NMBR: variants seen among roughly 807,000 people sequenced by gnomAD.
The protein encoded by NMBR is neuromedin B receptor.
A neutral mutation model predicts 20.5 loss-of-function variants in NMBR; 16 were observed. The observed-to-expected ratio is 0.78, with a 90% confidence interval of 0.53 to 1.19. The LOEUF is 1.19. Among genes scored for constraint, NMBR ranks in the 50% most tolerant of loss-of-function variants. The probability of loss-of-function intolerance (pLI) is 0.00; values close to 1 mark genes in which losing one functional copy is unlikely to be tolerated. For missense variants in NMBR, 582 were observed against 499.1 expected, an observed-to-expected ratio of 1.17 and a Z score of -1.58; for synonymous variants, 212 against 196.6, an observed-to-expected ratio of 1.08 and a Z score of -0.65.
chr6:142,108,610 GAACAGCATGGAGGT>G (rs1777701472), intron 1 of NMBR, among the ~76,000 whole-genome samples: 1 of 152,048 alleles, frequency 6.6e-6, no homozygotes, highest in African/African-American at 2.4e-5. Flanking sequence ...ACAATTACAA[GAACAGCATGGAGGT>G]AACCGCTCCA....
At chr6:142,096,020 G>GT (rs1554212670) in intron 1 of NMBR, among the ~76,000 whole-genome samples, 2 of 151,992 alleles carry the variant, frequency 1.3e-5, no homozygotes, top group Non-Finnish European at 2.9e-5. Flanking sequence ...ATTTTTTATT[G>GT]CATCTATTTG....
Position 142,075,772 on chromosome 6 carries a change from C to G in NMBR, c.1049G>C (p.Gly350Ala). The G allele has an allele frequency of 6.2e-7, 1 of 1,613,992 alleles. No individual in the cohort carries two copies. The highest frequency in any genetic ancestry group is 8.5e-7 in the Non-Finnish European group (1 of 1,179,942). ...TGAAGAGCTGAGTAGGTAGCTGGTT[C>G]CTCTCTCTTGATAGGACTTCCTCCC... ...CCGRKSYQERGTSYLLSSSAV... is the reference protein window; with the variant it reads ...CCGRKSYQERATSYLLSSSAV... Residue 350 changes from glycine to alanine, a missense_variant, in exon 4 of 4, where the codon GGA becomes GCA. Transcript: ENST00000258042.
At chr6:142,146,127 G>T (rs1411916422) in intron 1 of NMBR, among the ~76,000 whole-genome samples, 1 of 152,174 alleles carries the variant, frequency 6.6e-6, no homozygotes, top group African/African-American at 2.4e-5. Context: ...GAAGAAGACA[G>T]AACTGAGTTT....
chr6:142,088,142 C>A (rs953308541), intron 2 of NMBR, 95 bp downstream of exon 2: 4 of 1,251,062 alleles, frequency 3.2e-6, no homozygotes, highest in Non-Finnish European at 3.3e-6. Flanking sequence ...CCTTTCCTTG[C>A]GTCCTTCTGC....
At chr6:142,076,396 TAATAAACCATAG>T (rs1469198164) in intron 3 of NMBR, among the ~76,000 whole-genome samples, 1 of 152,136 alleles carries the variant, frequency 6.6e-6, no homozygotes, top group East Asian at 1.9e-4. Flanking sequence ...TCCACTAAAT[TAATAAACCATAG>T]AATATATTCA....
intron 1 of NMBR, among the ~76,000 whole-genome samples, chr6:142,125,508 C>CATGCAT (rs1407324433): frequency 6.6e-6 from 1 of 151,804 alleles, no homozygotes. Context: ...TACACATATA[C>CATGCAT]ATACATACAC....
At chr6:142,095,554 C>A (rs1029134334) in intron 1 of NMBR, among the ~76,000 whole-genome samples, 1 of 152,134 alleles carries the variant, frequency 6.6e-6, no homozygotes, top group Admixed American at 6.5e-5. Context: ...ATTCGGTTTG[C>A]TAGTATTTCA....
At chr6:142,138,223 G>A (rs1778297840) in intron 1 of NMBR, among the ~76,000 whole-genome samples, 2 of 152,118 alleles carry the variant, frequency 1.3e-5, no homozygotes, top group South Asian at 4.1e-4. Flanking sequence ...ACTTAGTAGG[G>A]AAATCAGTAT....
chr6:142,078,947 AG>A (rs1777021148), intron 2 of NMBR, 44 bp from the exon 3 acceptor site: 1 of 1,332,480 alleles, frequency 7.5e-7, no homozygotes, highest in Non-Finnish European at 1.0e-6. Flanking sequence ...AAGAAAGGAA[AG>A]AAAAAAGAGA....
intron 1 of NMBR, among the ~76,000 whole-genome samples, chr6:142,137,088 G>C (rs1226545594): frequency 1.3e-5 from 2 of 152,146 alleles, no homozygotes; most frequent in Non-Finnish European, 2.9e-5. Context: ...ACCTTGGGCA[G>C]TATGGCCATT....
chr6:142,119,596 A>T (rs1777910377), intron 1 of NMBR, among the ~76,000 whole-genome samples: 1 of 151,982 alleles, frequency 6.6e-6, no homozygotes, highest in South Asian at 2.1e-4. Context: ...TTTTATGTTA[A>T]TTTGGTATTT....
intron 1 of NMBR, among the ~76,000 whole-genome samples, chr6:142,108,151 T>A (rs942289958): frequency 5.9e-5 from 9 of 152,060 alleles, no homozygotes; most frequent in Non-Finnish European, 1.5e-5. Flanking sequence ...CAAAAAGGAA[T>A]GAGCACAAAA....
intron 1 of NMBR, among the ~76,000 whole-genome samples, chr6:142,090,679 A>G (rs1001605985): frequency 4.0e-5 from 6 of 151,450 alleles, no homozygotes; most frequent in African/African-American, 1.5e-4. Flanking sequence ...ATGTAAGTTG[A>G]GAAATGTCTC....
intron 1 of NMBR, among the ~76,000 whole-genome samples, chr6:142,089,941 A>AT (rs1460841258): frequency 6.6e-6 from 1 of 152,154 alleles, no homozygotes; most frequent in East Asian, 1.9e-4. Context: ...GAAACTGACA[A>AT]TTTTTTAAAA....
chr6:142,079,742 T>C (rs1777055140), intron 2 of NMBR, among the ~76,000 whole-genome samples: 1 of 152,158 alleles, frequency 6.6e-6, no homozygotes, highest in African/African-American at 2.4e-5. Flanking sequence ...ACTGAAAAAC[T>C]TGAAAGCAGA....
chr6:142,147,121 C>T lies in NMBR; in HGVS notation c.-741G>A, dbSNP rs1778455129. ...TTCTGTGGGTTCTAACCGCCGAGAGCCAAGCACCCTGAGGTTGTCCCAGCT... is the reference window on the plus strand; with the variant it reads ...TTCTGTGGGTTCTAACCGCCGAGAGTCAAGCACCCTGAGGTTGTCCCAGCT... On this transcript the variant is annotated 5_prime_UTR_variant, in exon 1 of 4. Transcript: ENST00000258042. 1.5e-6 allele frequency: 1 copy of T among 683,970 alleles called. No homozygotes were observed. 42.4% of individuals were successfully genotyped at this position (683,970 alleles called of 1,614,324 possible). A position where few individuals can be genotyped will look rare whatever the true frequency, so the allele number is the denominator to read the frequency against.
At chr6:142,086,388 GT>G (rs1016193331) in intron 2 of NMBR, among the ~76,000 whole-genome samples, 23 of 152,204 alleles carry the variant, frequency 1.5e-4, no homozygotes, top group Admixed American at 1.2e-3. Flanking sequence ...ATAGCTTTTG[GT>G]GAGATATAGT....
chr6:142,113,689 T>C (rs1777808367), intron 1 of NMBR, among the ~76,000 whole-genome samples: 1 of 152,170 alleles, frequency 6.6e-6, no homozygotes. Context: ...GATGCTCACT[T>C]TGAATGTTTT....
intron 1 of NMBR, among the ~76,000 whole-genome samples, chr6:142,143,173 G>A (rs960447566): frequency 1.3e-5 from 2 of 152,100 alleles, no homozygotes; most frequent in African/African-American, 4.8e-5. Flanking sequence ...CATTTACAAT[G>A]CAATAAAAAA....
Sources: allele counts gnomAD v4.1 joint callset (sites outside exome capture counted in the v4.1 genomes callset), GRCh38; gene constraint gnomAD v4.1.1; transcripts MANE v1.5; gene names NCBI Gene and HGNC (gene_info 2026-07-23, HGNC 2026-07-21).